The following MCM8 variants were observed in gnomAD, a reference collection of about 807,000 sequenced individuals.
The protein encoded by MCM8 is DNA helicase MCM8.
In MCM8, 85 loss-of-function variants were observed where a neutral mutation model predicts 98.9. The ratio of observed to expected loss-of-function variants is 0.86; its 90% CI spans 0.72 to 1.03. The LOEUF (loss-of-function observed/expected upper bound fraction) is 1.03. Among genes scored for constraint, MCM8 ranks in the 50% least tolerant of loss-of-function variants. The pLI, the probability that MCM8 is intolerant of heterozygous loss-of-function variation, is 0.00. For missense variants in MCM8, 951 were observed against 997.8 expected (o/e 0.95, Z 0.63); for synonymous variants, 352 against 338.6 (o/e 1.04, Z -0.44).
Position 5,958,566 on chromosome 20 carries a change from T to C in MCM8, c.629T>C (p.Val210Ala), listed in dbSNP as rs1348223412. ...GAGCCTTTGACACAGCTCAAGAATG[T>C]CAGAGCAAATTACTATGGAAAATAC... ...NYEPLTQLKN[V>A]RANYYGKYIA... The change falls in exon 7 of 19, where the codon GTC becomes GCC. Residue 210 changes from valine to alanine, a missense_variant. By Grantham distance (64) the Val-to-Ala change is moderately conservative. Coordinates refer to ENST00000610722, the MANE Select transcript of MCM8 (RefSeq NM_032485.6). 6.2e-7 allele frequency: 1 copy of C among 1,614,150 alleles called. No homozygotes were observed. Among genetic ancestry groups the C allele is most frequent in the Admixed American group, 1.7e-5 (1 of 60,028 alleles).
At chr20:5,971,228 A>G (rs146282839) in intron 10 of MCM8, among the ~76,000 whole-genome samples, 8 of 152,334 alleles carry the variant, frequency 5.3e-5, no homozygotes, top group African/African-American at 1.4e-4. Context: ...GGGGTCAGAC[A>G]TGCCTTATTA....
At chr20:5,959,848 G>A (rs1358740641) in intron 7 of MCM8, among the ~76,000 whole-genome samples, 3 of 151,884 alleles carry the variant, frequency 2.0e-5, no homozygotes, top group Non-Finnish European at 2.9e-5. Flanking sequence ...ACAGGCACGC[G>A]CCACCATGCC....
rs2089792178 is a variant in MCM8, at chr20:5,989,108, A to G, written c.2240+1750A>G. Among the ~76,000 whole-genome samples, 3 of 144,372 alleles carry G rather than the reference A, an allele frequency of 2.1e-5. No homozygotes were observed. In the South Asian group the frequency reaches 6.5e-4, roughly 31 times the overall value. 94.7% of individuals were successfully genotyped at this position (144,372 alleles called of 152,430 possible). A position where few individuals can be genotyped will look rare whatever the true frequency, so the allele number is the denominator to read the frequency against. On this transcript the variant is annotated intron_variant, in intron 17 of 18. Transcript: ENST00000610722. Reference sequence around the variant, plus strand: ...CACTCAGTAAACACTGTTTACTATCAATAGCGCAAGTCTTTTTTTTTTTTT... The same window carrying G: ...CACTCAGTAAACACTGTTTACTATCGATAGCGCAAGTCTTTTTTTTTTTTT...
Position 5,985,930 on chromosome 20 carries a change from T to C in MCM8, c.1962T>C (p.Pro654=). ...KPLSERLKVV[P]GETIDPIPHQ... is the part of the protein sequence containing the mutation. ...TTTTAATCATGCTTCAGGTGGTTCC[T>C]GGAGAAACAATAGATCCCATTCCCC... Residue 654 remains proline (P), a synonymous_variant, in exon 16 of 19, where the codon CCT becomes CCC. Transcript: ENST00000610722. 6.2e-7 allele frequency: 1 copy of C among 1,614,198 alleles called. No individual in the cohort carries two copies. The highest frequency in any genetic ancestry group is 8.5e-7 in the Non-Finnish European group (1 of 1,180,002).
chr20:5,972,916 T>C, intron 11 of MCM8, 140 bp from the exon 12 acceptor site: 1 of 1,337,324 alleles, frequency 7.5e-7, no homozygotes, highest in Non-Finnish European at 1.0e-6. Context: ...GTTTTTAGAC[T>C]TCCTTTTCTT....
intron 14 of MCM8, among the ~76,000 whole-genome samples, 188 bp downstream of exon 14, chr20:5,983,353 C>T (rs1031710334): frequency 1.3e-5 from 2 of 152,132 alleles, no homozygotes; most frequent in African/African-American, 4.8e-5. Context: ...ATGAGATCCA[C>T]CAGATTGGCA....
intron 10 of MCM8, among the ~76,000 whole-genome samples, chr20:5,970,965 T>C (rs1444647050): frequency 1.3e-5 from 2 of 152,164 alleles, no homozygotes; most frequent in African/African-American, 2.4e-5. Flanking sequence ...TATGCCACCA[T>C]GGCTGGCTAA....
rs371428240 is a variant in MCM8, at chr20:5,963,278, C to T, written c.794C>T (p.Pro265Leu). Reference protein sequence around the residue: ...DGKYSLPTKCPVPVCRGRSFT... With the variant: ...DGKYSLPTKCLVPVCRGRSFT... ...AATTACTTTTGTTTCATTCAGTGTC[C>T]TGTGCCTGTGTGTCGAGGCAGGTCA... is the stretch of plus-strand genomic sequence containing the variant. Residue 265 changes from proline (P) to leucine (L), a missense_variant, in exon 8 of 19, where the codon CCT becomes CTT. Pro to Leu is a moderately conservative substitution (Grantham distance 98, BLOSUM62 -3). Coordinates refer to ENST00000610722, the MANE Select transcript of MCM8 (RefSeq NM_032485.6). 3 of 1,612,530 alleles carry T rather than the reference C, an allele frequency of 1.9e-6. No homozygotes were observed. Among genetic ancestry groups the T allele is most frequent in the African/African-American group, 1.3e-5 (1 of 74,974 alleles).
intron 7 of MCM8, 83 bp downstream of exon 7, chr20:5,958,809 G>C: frequency 8.2e-7 from 1 of 1,217,722 alleles, no homozygotes; most frequent in Non-Finnish European, 1.2e-6. Flanking sequence ...CAGTGTTTCT[G>C]AACACAGAGC....
rs917295290 is a variant in MCM8, at chr20:5,967,537, G to C, written c.977G>C (p.Gly326Ala). Reference sequence around the variant, plus strand: ...GATCTTGTGGATAGCTGTGTCCCGGGAGACACAGTGACTATTACTGGAATT... The same window carrying C: ...GATCTTGTGGATAGCTGTGTCCCGGCAGACACAGTGACTATTACTGGAATT... ...VHDLVDSCVP[G>A]DTVTITGIVK... Residue 326 changes from glycine (G) to alanine (A), a missense_variant, in exon 9 of 19, where the codon GGA (glycine) becomes GCA (alanine). By Grantham distance (60) the Gly-to-Ala change is moderately conservative (BLOSUM62 0). Coordinates refer to ENST00000610722, the MANE Select transcript of MCM8 (RefSeq NM_032485.6). 3.7e-6 allele frequency: 6 copies of C among 1,613,928 alleles called. No individual in the cohort carries two copies. The highest frequency in any genetic ancestry group is 5.1e-6 in the Non-Finnish European group (6 of 1,179,868).
At chr20:5,965,273 A>G (rs2089249915) in intron 8 of MCM8, 1 of 152,180 alleles carries the variant, frequency 6.6e-6, no homozygotes, top group African/African-American at 2.4e-5. Context: ...GGTCGAAGCC[A>G]GTGCTGGAAC....
Position 5,959,648 on chromosome 20 carries a change from T to TA in MCM8, c.789+923dup, listed in dbSNP as rs543821872. On this transcript the variant is annotated intron_variant, in intron 7 of 18. Coordinates refer to ENST00000610722, the MANE Select transcript of MCM8 (RefSeq NM_032485.6). Reference sequence around the variant, plus strand: ...AATGATACTGCAGAGAACATTCTTGTACATGTCTCCTTAGCAGAGGAATAC... The same window carrying TA: ...AATGATACTGCAGAGAACATTCTTGTAACATGTCTCCTTAGCAGAGGAATAC... Among the ~76,000 whole-genome samples, 449 of 152,054 alleles carry TA rather than the reference T, an allele frequency of 3.0e-3. 4 individuals are homozygous for TA. The highest frequency in any genetic ancestry group is 4.8e-3 in the Non-Finnish European group (328 of 67,964).
Position 5,952,463 on chromosome 20 carries a change from A to G in MCM8, c.188A>G (p.Gln63Arg). 5 of 1,614,116 alleles carry G rather than the reference A, an allele frequency of 3.1e-6. No individual in the cohort carries two copies. The highest frequency in any genetic ancestry group is 4.2e-6 in the Non-Finnish European group (5 of 1,180,006). Residue 63 changes from glutamine to arginine, a missense_variant, in exon 3 of 19, where the codon CAG (glutamine) becomes CGG (arginine). Transcript: ENST00000610722. ...TTTTTGCTTTCAACAAAGACCCCAC[A>G]GTCAATGCAGTCAACATTGGATCGA... Reference protein sequence around the residue: ...PQFLLSTKTPQSMQSTLDRFI... With the variant: ...PQFLLSTKTPRSMQSTLDRFI...
chr20:5,977,809 G>A (rs2089544040), intron 12 of MCM8, 67 bp from the exon 13 acceptor site: 1 of 1,557,608 alleles, frequency 6.4e-7, no homozygotes, highest in Non-Finnish European at 8.8e-7. Context: ...ACGTTTGTGA[G>A]CAACTGCTGT....
At chr20:5,987,167 C>T (rs1444031168) in intron 16 of MCM8, 115 bp from the exon 17 acceptor site, 3 of 987,580 alleles carry the variant, frequency 3.0e-6, no homozygotes, top group Non-Finnish European at 4.5e-6. Flanking sequence ...ATGTTATAAC[C>T]TTCCTCGCCT....
chr20:5,985,691 A>G (rs898044504), intron 15 of MCM8, among the ~76,000 whole-genome samples: 7 of 151,738 alleles, frequency 4.6e-5, no homozygotes, highest in African/African-American at 1.7e-4. Context: ...GACTCCAGGC[A>G]CGTGCCACCA....
intron 17 of MCM8, among the ~76,000 whole-genome samples, chr20:5,993,086 AG>A (rs1324966636): frequency 5.3e-5 from 8 of 152,210 alleles, no homozygotes; most frequent in African/African-American, 1.7e-4. Context: ...GTTCATTCCT[AG>A]AGTATTTTAA....
Position 5,998,737 on chromosome 20 carries a change from T to G in MCM8, c.*4346T>G, listed in dbSNP as rs1228988038. The G allele has an allele frequency of 6.6e-6, 1 of 152,216 alleles. No individual in the cohort carries two copies. The highest frequency in any genetic ancestry group is 1.5e-5 in the Non-Finnish European group (1 of 68,040). The allele number at this position is 152,216 out of a possible 1,614,324, so 9.4% of individuals were successfully genotyped here. On this transcript the variant is annotated 3_prime_UTR_variant, in exon 19 of 19. Transcript: ENST00000610722. ...ACTCATACATCTGTATCTAAAGCAC[T>G]CCACCTGGGTCATGTACTATACTTA...
chr20:5,964,363 T>C (rs1382233404), intron 8 of MCM8, among the ~76,000 whole-genome samples: 1 of 152,140 alleles, frequency 6.6e-6, no homozygotes, highest in Admixed American at 6.5e-5. Flanking sequence ...CCCTGAAAAA[T>C]TAAGACCAAC....
Sources: gnomAD v4.1 joint callset for allele counts (sites outside exome capture counted in the v4.1 genomes callset) on GRCh38, gnomAD v4.1.1 for gene constraint, MANE v1.5 for transcripts, NCBI Gene and HGNC (gene_info 2026-07-23, HGNC 2026-07-21) for gene names.